The following DIAPH2 variants were observed in gnomAD, a reference collection of about 807,000 sequenced individuals.
The protein encoded by DIAPH2 is protein diaphanous homolog 2.
In DIAPH2, 35 loss-of-function variants were observed where a neutral mutation model predicts 92.7. That is an observed-to-expected ratio of 0.38 (90% CI 0.29 to 0.50). DIAPH2 has a LOEUF of 0.50. DIAPH2 is among the 20% of genes least tolerant of loss of function. The pLI is 0.94. For synonymous variants in DIAPH2, 301 were observed against 280.4 expected, an observed-to-expected ratio of 1.07 and a Z score of -0.73; for missense variants, 701 against 819.5, an observed-to-expected ratio of 0.86 and a Z score of 1.77.
At chrX:96,944,495 C>T (rs1346529884) in intron 13 of DIAPH2, among the ~76,000 whole-genome samples, 4 of 111,605 alleles carry the variant, frequency 3.6e-5, no homozygotes, top group Non-Finnish European at 7.6e-5. Flanking sequence ...CTGCATTGTC[C>T]TTTTAGTTCT....
intron 23 of DIAPH2, among the ~76,000 whole-genome samples, chrX:97,330,418 C>A (rs2068990873): frequency 9.0e-6 from 1 of 110,921 alleles, no homozygotes; most frequent in African/African-American, 3.3e-5. Context: ...TAAGTGGAAT[C>A]ATACAGTATT....
At chrX:97,330,670 G>C (rs189007329) in intron 23 of DIAPH2, among the ~76,000 whole-genome samples, 1 of 109,115 alleles carries the variant, frequency 9.2e-6, no homozygotes, top group African/African-American at 3.3e-5. Context: ...CCGCCACCAC[G>C]CCCAGCTAAC....
intron 22 of DIAPH2, among the ~76,000 whole-genome samples, chrX:97,207,599 T>C (rs928124189): frequency 1.8e-5 from 2 of 111,573 alleles, no homozygotes; most frequent in Non-Finnish European, 3.8e-5. Context: ...CGCCCAAAGT[T>C]AGAAAACTAG....
intron 22 of DIAPH2, among the ~76,000 whole-genome samples, chrX:97,194,749 T>G (rs900254398): frequency 1.7e-4 from 19 of 112,084 alleles, no homozygotes; most frequent in South Asian, 1.5e-3. Context: ...TGTGATTAAA[T>G]GAACCATTTT....
intron 17 of DIAPH2, among the ~76,000 whole-genome samples, chrX:97,072,009 A>G (rs1385456371): frequency 2.7e-5 from 3 of 112,137 alleles, no homozygotes; most frequent in Non-Finnish European, 5.6e-5. Context: ...TACTTTTCTT[A>G]TATTTTCTGA....
intron 26 of DIAPH2, among the ~76,000 whole-genome samples, chrX:97,509,873 G>A (rs865956274): frequency 9.1e-6 from 1 of 110,489 alleles, no homozygotes. Flanking sequence ...ATTCCATGGT[G>A]TATATGTGCC....
At chrX:96,890,958 A>T (rs1289069550) in intron 5 of DIAPH2, among the ~76,000 whole-genome samples, 1 of 110,786 alleles carries the variant, frequency 9.0e-6, no homozygotes, top group African/African-American at 3.3e-5. Flanking sequence ...TCATGCATGC[A>T]TGTCTGTTTT....
intron 5 of DIAPH2, among the ~76,000 whole-genome samples, chrX:96,897,037 A>G (rs2065349501): frequency 8.9e-6 from 1 of 111,741 alleles, no homozygotes; most frequent in Admixed American, 9.6e-5. Flanking sequence ...CGTTGTATTT[A>G]TGTTGGTCAA....
intron 21 of DIAPH2, among the ~76,000 whole-genome samples, chrX:97,138,261 G>A (rs2067186514): frequency 8.9e-6 from 1 of 111,954 alleles, no homozygotes; most frequent in Admixed American, 9.5e-5. Context: ...TTTCTTATGT[G>A]TCAATTAGTT....
At chrX:97,270,441 A>G (rs908206206) in intron 23 of DIAPH2, among the ~76,000 whole-genome samples, 9 of 112,124 alleles carry the variant, frequency 8.0e-5, no homozygotes, top group African/African-American at 2.9e-4. Context: ...CCAAGGTCAC[A>G]CAGCTACTAA....
chrX:97,045,832 A>G (rs192639150), intron 17 of DIAPH2, among the ~76,000 whole-genome samples: 27 of 97,904 alleles, frequency 2.8e-4, no homozygotes, highest in Admixed American at 2.7e-3. Context: ...AGGGTATGGT[A>G]TTAGGGTATT....
intron 23 of DIAPH2, among the ~76,000 whole-genome samples, chrX:97,329,803 C>T (rs1307400488): frequency 9.2e-6 from 1 of 108,673 alleles, no homozygotes; most frequent in African/African-American, 3.4e-5. Context: ...CTTTGCTCGA[C>T]ATTGTCACAA....
At chrX:97,579,173 T>A (rs1268682645) in intron 26 of DIAPH2, among the ~76,000 whole-genome samples, 1 of 111,102 alleles carries the variant, frequency 9.0e-6, no homozygotes, top group Non-Finnish European at 1.9e-5. Context: ...CTCTTTAGTT[T>A]AATTAGATGC....
At chrX:97,502,092 C>A (rs1490522540) in intron 26 of DIAPH2, among the ~76,000 whole-genome samples, 2 of 112,330 alleles carry the variant, frequency 1.8e-5, no homozygotes, top group Non-Finnish European at 3.8e-5. Flanking sequence ...CGTGAGCCAT[C>A]GTGTCCAGCC....
chrX:97,454,636 A>G (rs2070387338), intron 26 of DIAPH2, among the ~76,000 whole-genome samples: 1 of 111,044 alleles, frequency 9.0e-6, no homozygotes, highest in Admixed American at 9.6e-5. Context: ...CAGGCGGATC[A>G]CGAGGTCATG....
At chrX:97,063,657 A>G (rs1025378005) in intron 17 of DIAPH2, among the ~76,000 whole-genome samples, 4 of 112,125 alleles carry the variant, frequency 3.6e-5, no homozygotes, top group Non-Finnish European at 7.5e-5. Flanking sequence ...TGTGTATCCT[A>G]CTTGAAAAAC....
At chrX:97,414,664 A>G (rs764765789) in intron 25 of DIAPH2, among the ~76,000 whole-genome samples, 1 of 108,895 alleles carries the variant, frequency 9.2e-6, no homozygotes, top group East Asian at 2.9e-4. Flanking sequence ...AAAAAAAAAA[A>G]AAAAAAAGCT....
intron 1 of DIAPH2, among the ~76,000 whole-genome samples, chrX:96,700,415 C>G: frequency 8.9e-6 from 1 of 112,335 alleles, no homozygotes; most frequent in Middle Eastern, 4.6e-3. Context: ...TCACTGTTAT[C>G]TGTTCTTCTC....
At chrX:97,499,020 A>C (rs1271000982) in intron 26 of DIAPH2, among the ~76,000 whole-genome samples, 1 of 111,445 alleles carries the variant, frequency 9.0e-6, no homozygotes, top group African/African-American at 3.3e-5. Flanking sequence ...TCTGTCTGCA[A>C]GTGGAGAGGA....
Sources: gnomAD v4.1 joint callset for allele counts (sites outside exome capture counted in the v4.1 genomes callset) on GRCh38, gnomAD v4.1.1 for gene constraint, MANE v1.5 for transcripts, NCBI Gene and HGNC (gene_info 2026-07-23, HGNC 2026-07-21) for gene names.